Variants in TNR observed in about 807,000 individuals in gnomAD.
The protein encoded by TNR is tenascin-R.
In TNR, 45 loss-of-function variants were observed where a neutral mutation model predicts 150.4. The observed-to-expected ratio is 0.30, with a 90% CI of 0.24 to 0.38. TNR has a LOEUF of 0.38. Ranked by LOEUF, TNR falls within the 10% of genes least tolerant of loss-of-function variation. The pLI is 1.00. For synonymous variants in TNR, 687 were observed against 678.4 expected, an observed-to-expected ratio of 1.01 and a Z score of -0.20; for missense variants, 1,544 against 1,759.1, an observed-to-expected ratio of 0.88 and a Z score of 2.19.
At chr1:175,514,619 A>G (rs1659327271) in intron 2 of TNR, among the ~76,000 whole-genome samples, 1 of 152,174 alleles carries the variant, frequency 6.6e-6, no homozygotes, top group African/African-American at 2.4e-5. Context: ...GTAAAAACGT[A>G]GTGTACCTTG....
intron 2 of TNR, among the ~76,000 whole-genome samples, chr1:175,439,829 C>T (rs1655695939): frequency 6.6e-6 from 1 of 152,130 alleles, no homozygotes; most frequent in Non-Finnish European, 1.5e-5. Flanking sequence ...AATGAGATAC[C>T]ATCTCACACC....
intron 2 of TNR, among the ~76,000 whole-genome samples, chr1:175,439,426 A>G (rs1655677020): frequency 6.6e-6 from 1 of 152,086 alleles, no homozygotes. Context: ...AAAACCCTAG[A>G]AGAAAACCTA....
rs115554581 is a variant in TNR, at chr1:175,504,946, T to A, written c.-64+23323A>T. On this transcript the variant is annotated intron_variant, in intron 2 of 22. Coordinates refer to ENST00000367674, the MANE Select transcript of TNR (RefSeq NM_003285.3). ...GATGGGAAGAGATACAGGGAGGAGG[T>A]GGCCATCTAGAAGCCAAGGAGAGAG... 6.1e-3 allele frequency among the ~76,000 whole-genome samples: 927 copies of A among 152,044 alleles called. 11 individuals carry two copies. The highest frequency in any genetic ancestry group is 0.021 in the African/African-American group (872 of 41,476).
chr1:175,698,368 A>T (rs1666591513), intron 1 of TNR, among the ~76,000 whole-genome samples: 1 of 152,142 alleles, frequency 6.6e-6, no homozygotes. Flanking sequence ...ACGTGAAGGA[A>T]CCGAGGAATT....
intron 2 of TNR, among the ~76,000 whole-genome samples, chr1:175,444,413 T>C (rs181686841): frequency 5.3e-5 from 8 of 152,246 alleles, no homozygotes; most frequent in Admixed American, 3.9e-4. Flanking sequence ...GAGGTGCACA[T>C]GAACAGGTGC....
intron 2 of TNR, among the ~76,000 whole-genome samples, chr1:175,417,028 A>AAAGAAAGAAAGAAAG (rs1557920173): frequency 3.1e-5 from 3 of 96,000 alleles, no homozygotes; most frequent in African/African-American, 1.1e-4. Flanking sequence ...AGAAAGAAAG[A>AAAGAAAGAAAGAAAG]AAGAAAGAAA....
chr1:175,463,780 T>G (rs1366255963), intron 2 of TNR, among the ~76,000 whole-genome samples: 1 of 152,098 alleles, frequency 6.6e-6, no homozygotes, highest in African/African-American at 2.4e-5. Context: ...GAGGCTAGAG[T>G]AGGAACAAGC....
chr1:175,675,234 G>C (rs1246415693), intron 1 of TNR, among the ~76,000 whole-genome samples: 1 of 152,186 alleles, frequency 6.6e-6, no homozygotes, highest in Non-Finnish European at 1.5e-5. Flanking sequence ...ATGCCTGAAT[G>C]AACGGGCTTT....
intron 1 of TNR, among the ~76,000 whole-genome samples, chr1:175,736,705 A>T (rs1345689942): frequency 6.6e-6 from 1 of 151,938 alleles, no homozygotes; most frequent in African/African-American, 2.4e-5. Context: ...ACTAAGATAC[A>T]AGCAGCAGAG....
At chr1:175,555,323 C>G (rs1661110139) in intron 1 of TNR, among the ~76,000 whole-genome samples, 1 of 152,032 alleles carries the variant, frequency 6.6e-6, no homozygotes, top group South Asian at 2.1e-4. Context: ...CCAGTTACTC[C>G]TTTAGAAGCA....
Position 175,343,119 on chromosome 1 carries a change from A to G in TNR, c.3383-5440T>C, listed in dbSNP as rs113216792. Among the ~76,000 whole-genome samples, 1,328 of 152,162 alleles carry G rather than the reference A, an allele frequency of 8.7e-3. 20 individuals carry two copies. Among genetic ancestry groups the G allele is most frequent in the African/African-American group, 0.028 (1,176 of 41,494 alleles). ...CTTTTTATAGTGTGAATGTGATCTG[A>G]TTTCATCCTATCTTTTACTTGCCCA... is the stretch of plus-strand genomic sequence containing the variant. On this transcript the variant is annotated intron_variant, in intron 18 of 22. Coordinates refer to ENST00000367674, the MANE Select transcript of TNR (RefSeq NM_003285.3).
chr1:175,355,660 A>C, intron 16 of TNR, 27 bp from the exon 17 acceptor site: 1 of 1,612,362 alleles, frequency 6.2e-7, no homozygotes, highest in Non-Finnish European at 8.5e-7. Context: ...GTGCCAGGGC[A>C]TGCCTGCCTC....
intron 2 of TNR, among the ~76,000 whole-genome samples, chr1:175,505,326 C>G (rs1658913178): frequency 6.6e-6 from 1 of 152,236 alleles, no homozygotes; most frequent in Non-Finnish European, 1.5e-5. Flanking sequence ...GAGGCAGGAG[C>G]GGGACTGACG....
chr1:175,403,478 A>G lies in TNR; in HGVS notation c.638T>C (p.Val213Ala), dbSNP rs1557911275. 1 of 1,613,076 alleles carries G rather than the reference A, an allele frequency of 6.2e-7. No individual in the cohort carries two copies. The highest frequency in any genetic ancestry group is 2.2e-5 in the East Asian group (1 of 44,828). Residue 213 changes from valine to alanine, a missense_variant, in exon 4 of 23, where the codon GTG becomes GCG. Val to Ala is a moderately conservative substitution (Grantham distance 64). Coordinates refer to ENST00000367674, the MANE Select transcript of TNR (RefSeq NM_003285.3). The part of the protein sequence containing the change: ...YCPLGCSSRG[V>A]CVDGQCICDS... ...ACAGATGCACTGGCCATCCACACAC[A>G]CCCCCCGGCTGGAGCAACCCAGCGG...
At chr1:175,500,075 C>G (rs1377298631) in intron 2 of TNR, among the ~76,000 whole-genome samples, 1 of 152,188 alleles carries the variant, frequency 6.6e-6, no homozygotes, top group Non-Finnish European at 1.5e-5. Context: ...CCTCAGTCTA[C>G]TTGAGACTTG....
At chr1:175,343,679 C>T (rs1472463781) in intron 18 of TNR, among the ~76,000 whole-genome samples, 2 of 152,218 alleles carry the variant, frequency 1.3e-5, no homozygotes, top group African/African-American at 4.8e-5. Context: ...CAGTGTCTGA[C>T]CCAAAGTAGG....
At chr1:175,660,376 G>A (rs544856842) in intron 1 of TNR, among the ~76,000 whole-genome samples, 14 of 152,284 alleles carry the variant, frequency 9.2e-5, no homozygotes, top group East Asian at 1.9e-4. Context: ...GACCTCAGTC[G>A]CCCTGGGCCC....
At chr1:175,489,570 G>A (rs116528498) in intron 2 of TNR, among the ~76,000 whole-genome samples, 2,784 of 152,256 alleles carry the variant, frequency 0.018, 92 homozygotes, top group African/African-American at 0.063. Context: ...TCTGCCCTGT[G>A]GTCTCTTTGC....
At chr1:175,469,588 T>TA (rs1308130367) in intron 2 of TNR, among the ~76,000 whole-genome samples, 1 of 151,672 alleles carries the variant, frequency 6.6e-6, no homozygotes, top group Non-Finnish European at 1.5e-5. Context: ...GGAGGAGCTA[T>TA]AGGGAGGGTT....
Sources: allele counts gnomAD v4.1 joint callset (sites outside exome capture counted in the v4.1 genomes callset), GRCh38; gene constraint gnomAD v4.1.1; transcripts MANE v1.5; gene names NCBI Gene and HGNC (gene_info 2026-07-23, HGNC 2026-07-21).